The following MAGI2 variants were observed in gnomAD, a reference collection of about 807,000 sequenced individuals.
MAGI2 encodes membrane associated guanylate kinase, WW and PDZ domain containing 2, also known as membrane-associated guanylate kinase, WW and PDZ domain-containing protein 2.
Under a neutral mutation model 133.3 loss-of-function variants are expected in MAGI2, and 35 were observed. The ratio of observed to expected loss-of-function variants is 0.26; its 90% CI spans 0.20 to 0.35. The LOEUF (loss-of-function observed/expected upper bound fraction) is 0.35, where lower values mean the gene tolerates loss of function less well. Ranked by LOEUF, MAGI2 falls within the 10% of genes least tolerant of loss-of-function variation. The pLI, the probability that MAGI2 is intolerant of heterozygous loss-of-function variation, is 1.00. For synonymous variants in MAGI2, 729 were observed against 710.6 expected (o/e 1.03, Z -0.41); for missense variants, 1,636 against 1,863.4 (o/e 0.88, Z 2.25).
At chr7:78,901,464 T>A (rs1395154192) in intron 2 of MAGI2, 2 of 152,204 alleles carry the variant, frequency 1.3e-5, no homozygotes, top group Admixed American at 6.5e-5. Flanking sequence ...GTTATTATCA[T>A]TATATCATCA....
chr7:79,304,077 C>T (rs1307587988), intron 1 of MAGI2, among the ~76,000 whole-genome samples: 3 of 151,958 alleles, frequency 2.0e-5, no homozygotes, highest in Non-Finnish European at 2.9e-5. Flanking sequence ...ATTGACACCA[C>T]CAGTTATCAC....
chr7:79,104,990 T>A (rs369263463), intron 1 of MAGI2, among the ~76,000 whole-genome samples: 2 of 152,210 alleles, frequency 1.3e-5, no homozygotes, highest in African/African-American at 4.8e-5. Flanking sequence ...TGAACTTCTT[T>A]ATGCAAATAT....
chr7:79,175,316 A>G (rs574756707), intron 1 of MAGI2, among the ~76,000 whole-genome samples: 1 of 152,086 alleles, frequency 6.6e-6, no homozygotes, highest in South Asian at 2.1e-4. Flanking sequence ...TTGTCCATAT[A>G]TCTCTAATGA....
intron 5 of MAGI2, among the ~76,000 whole-genome samples, chr7:78,494,420 T>G (rs1793905155): frequency 6.6e-6 from 1 of 152,198 alleles, no homozygotes; most frequent in Admixed American, 6.5e-5. Context: ...GGATGCAGTA[T>G]GTGTTAGGAG....
chr7:78,449,244 C>G (rs1788469521), intron 6 of MAGI2, among the ~76,000 whole-genome samples: 1 of 151,928 alleles, frequency 6.6e-6, no homozygotes, highest in African/African-American at 2.4e-5. Flanking sequence ...AGAAGAGAGA[C>G]TGTATGTTTG....
At chr7:78,728,659 G>A (rs1232063791) in intron 2 of MAGI2, among the ~76,000 whole-genome samples, 3 of 94,754 alleles carry the variant, frequency 3.2e-5, no homozygotes, top group African/African-American at 9.7e-5. Context: ...TCCGCCTCCC[G>A]GGTTCACACC....
chr7:79,156,103 A>G (rs1387277134), intron 1 of MAGI2, among the ~76,000 whole-genome samples: 2 of 151,958 alleles, frequency 1.3e-5, no homozygotes, highest in African/African-American at 2.4e-5. Context: ...CCAAATTCCT[A>G]TCTAAGGGGT....
chr7:79,396,075 C>T (rs2129156711), intron 1 of MAGI2, among the ~76,000 whole-genome samples: 1 of 152,178 alleles, frequency 6.6e-6, no homozygotes, highest in East Asian at 1.9e-4. Flanking sequence ...TATGTTATCC[C>T]ATCATTTAGC....
intron 2 of MAGI2, among the ~76,000 whole-genome samples, chr7:78,827,999 C>T (rs1157004173): frequency 6.6e-6 from 1 of 152,138 alleles, no homozygotes. Flanking sequence ...ATTCTCCTGC[C>T]TCAGCCTCCC....
intron 2 of MAGI2, among the ~76,000 whole-genome samples, chr7:78,776,520 TA>T (rs1826001673): frequency 6.6e-6 from 1 of 152,236 alleles, no homozygotes; most frequent in Admixed American, 6.5e-5. Context: ...TCATTTTTCT[TA>T]AAAAACAATT....
rs991097462 is a variant in MAGI2, at chr7:78,372,349, T to TA, written c.1046-3137dup. 7.4e-4 allele frequency among the ~76,000 whole-genome samples: 112 copies of TA among 152,228 alleles called. 1 individual carries two copies. The highest frequency in any genetic ancestry group is 2.5e-3 in the African/African-American group (103 of 41,556). On this transcript the variant is annotated intron_variant, in intron 6 of 21. Coordinates refer to ENST00000354212, the MANE Select transcript of MAGI2 (RefSeq NM_012301.4). ...TAAGCTATTTGGACTTGGATTAGTTTAAAAAAACAAAACAACTGCTGCTTC... is the reference window on the plus strand; with the variant it reads ...TAAGCTATTTGGACTTGGATTAGTTTAAAAAAAACAAAACAACTGCTGCTTC...
rs1207435367 is a variant in MAGI2, at chr7:78,256,007, T to C, written c.1983A>G (p.Glu661=). The change falls in exon 10 of 22, where the codon GAA becomes GAG. Residue 661 remains glutamate, a synonymous_variant. Transcript: ENST00000354212. ...QQNVQNLSHT[E]VVDILKDCPI... ...GACAGTCCTTAAGTATATCCACTAC[T>C]TCTGTATGGCTCAGGTTCTGTACAT... 1.2e-6 allele frequency: 2 copies of C among 1,613,740 alleles called. No homozygotes were observed. The highest frequency in any genetic ancestry group is 2.7e-5 in the African/African-American group (2 of 74,956).
intron 6 of MAGI2, among the ~76,000 whole-genome samples, chr7:78,385,052 T>G (rs778930929): frequency 2.6e-5 from 4 of 152,204 alleles, no homozygotes; most frequent in Non-Finnish European, 5.9e-5. Flanking sequence ...GAGACTTGAA[T>G]GCTTTATAGA....
intron 4 of MAGI2, among the ~76,000 whole-genome samples, chr7:78,507,703 G>A (rs1338274669): frequency 6.6e-6 from 1 of 152,134 alleles, no homozygotes; most frequent in Non-Finnish European, 1.5e-5. Flanking sequence ...TTAGAAACAA[G>A]GGTACCTAAA....
At chr7:78,864,486 G>A (rs549638633) in intron 2 of MAGI2, among the ~76,000 whole-genome samples, 1 of 152,156 alleles carries the variant, frequency 6.6e-6, no homozygotes, top group African/African-American at 2.4e-5. Flanking sequence ...CTGGTGAATG[G>A]GTTAAATTGC....
chr7:78,578,714 T>C (rs1178464553), intron 3 of MAGI2, among the ~76,000 whole-genome samples: 1 of 152,190 alleles, frequency 6.6e-6, no homozygotes, highest in Non-Finnish European at 1.5e-5. Context: ...CTTCTAGAGC[T>C]GTGGATGTGA....
intron 1 of MAGI2, among the ~76,000 whole-genome samples, chr7:79,157,831 C>G (rs773562664): frequency 1.3e-5 from 2 of 149,718 alleles, no homozygotes; most frequent in Non-Finnish European, 3.0e-5. Flanking sequence ...AGATAAAAAC[C>G]ACTGTGTGTA....
chr7:78,040,428 G>A (rs1810698079), intron 21 of MAGI2, among the ~76,000 whole-genome samples: 1 of 152,162 alleles, frequency 6.6e-6, no homozygotes, highest in Non-Finnish European at 1.5e-5. Context: ...TTCCCTTCTC[G>A]CCGCGTTCTC....
chr7:78,686,110 T>C (rs1373544991), intron 2 of MAGI2, among the ~76,000 whole-genome samples: 9 of 96,238 alleles, frequency 9.4e-5, no homozygotes, highest in Non-Finnish European at 1.8e-4. Flanking sequence ...ACATTGAAGA[T>C]GAAATGTGAT....
Sources: gnomAD v4.1 joint callset for allele counts (sites outside exome capture counted in the v4.1 genomes callset) on GRCh38, gnomAD v4.1.1 for gene constraint, MANE v1.5 for transcripts, NCBI Gene and HGNC (gene_info 2026-07-23, HGNC 2026-07-21) for gene names.